The following SLC38A9 variants were observed in gnomAD, a reference collection of about 807,000 sequenced individuals.
SLC38A9 encodes solute carrier family 38 member 9, also known as neutral amino acid transporter 9.
In SLC38A9, 48 loss-of-function variants were observed where a neutral mutation model predicts 62.3. The observed-to-expected ratio is 0.77, with a 90% confidence interval of 0.61 to 0.98. The LOEUF is 0.98. Among genes scored for constraint, SLC38A9 ranks in the 50% least tolerant of loss-of-function variants. SLC38A9 has a pLI of 0.00. For synonymous variants in SLC38A9, 204 were observed against 227.7 expected, an observed-to-expected ratio of 0.90 and a Z score of 0.94; for missense variants, 541 against 679.8, an observed-to-expected ratio of 0.80 and a Z score of 2.27.
chr5:55,640,068 C>G (rs1345184774), intron 12 of SLC38A9, among the ~76,000 whole-genome samples: 3 of 149,868 alleles, frequency 2.0e-5, no homozygotes, highest in Non-Finnish European at 3.0e-5. Context: ...TCACTGCAAC[C>G]TCTGCCTCCT....
chr5:55,636,154 G>C (rs544795282), intron 12 of SLC38A9, among the ~76,000 whole-genome samples: 1 of 152,124 alleles, frequency 6.6e-6, no homozygotes, highest in African/African-American at 2.4e-5. Flanking sequence ...ATTTAATAAA[G>C]AAAGAAAGCT....
intron 8 of SLC38A9, among the ~76,000 whole-genome samples, chr5:55,662,996 G>C (rs1010442284): frequency 4.0e-5 from 6 of 151,514 alleles, no homozygotes; most frequent in African/African-American, 1.5e-4. Context: ...CCAGGTTCAA[G>C]AGATTCTCGT....
intron 2 of SLC38A9, among the ~76,000 whole-genome samples, chr5:55,703,854 A>T (rs1336243997): frequency 1.3e-5 from 2 of 152,226 alleles, no homozygotes; most frequent in African/African-American, 4.8e-5. Flanking sequence ...AAATGAAAAC[A>T]TTCTATATAA....
At chr5:55,657,789 G>T (rs1748711229) in intron 8 of SLC38A9, among the ~76,000 whole-genome samples, 1 of 152,152 alleles carries the variant, frequency 6.6e-6, no homozygotes, top group African/African-American at 2.4e-5. Flanking sequence ...GCTGGGTTAG[G>T]TTTTAAGGTC....
At chr5:55,668,157 G>A (rs184883751) in intron 7 of SLC38A9, among the ~76,000 whole-genome samples, 2 of 149,986 alleles carry the variant, frequency 1.3e-5, no homozygotes, top group African/African-American at 4.9e-5. Flanking sequence ...GGGTGACAGT[G>A]AGATCCTGTC....
intron 2 of SLC38A9, among the ~76,000 whole-genome samples, chr5:55,707,895 A>G (rs7718528): frequency 7.9e-4 from 120 of 152,306 alleles, no homozygotes; most frequent in African/African-American, 2.8e-3. Flanking sequence ...AACTAGCTAG[A>G]TCCCTTTTGT....
Position 55,669,115 on chromosome 5 carries a change from T to C in SLC38A9, c.526+113A>G, listed in dbSNP as rs1398841017. Reference sequence around the variant, plus strand: ...GCGATGAATTACAGAAGTAAATCTTTAGGTACAAAGTAGACAGCTGACACA... The same window carrying C: ...GCGATGAATTACAGAAGTAAATCTTCAGGTACAAAGTAGACAGCTGACACA... On this transcript the variant is annotated intron_variant, in intron 7 of 15. Transcript: ENST00000396865. The C allele has an allele frequency of 6.7e-6, 4 of 599,964 alleles. No homozygotes were observed. The East Asian group carries it at 9.1e-5, about 14-fold the overall frequency. The allele number at this position is 599,964 out of a possible 1,614,324, so 37.2% of individuals were successfully genotyped here.
chr5:55,652,842 T>C (rs1747771038), intron 9 of SLC38A9, 119 bp from the exon 10 acceptor site: 1 of 696,078 alleles, frequency 1.4e-6, no homozygotes, highest in African/African-American at 1.8e-5. Context: ...CAACTCTTCC[T>C]AGGAGCCTAA....
chr5:55,678,063 G>A (rs1378224922), intron 3 of SLC38A9, among the ~76,000 whole-genome samples: 1 of 151,228 alleles, frequency 6.6e-6, no homozygotes, highest in East Asian at 1.9e-4. Flanking sequence ...GTAGAAGAGA[G>A]GAGAGCTTAG....
chr5:55,679,318 T>C (rs1752673114), intron 3 of SLC38A9, among the ~76,000 whole-genome samples: 1 of 152,092 alleles, frequency 6.6e-6, no homozygotes, highest in Non-Finnish European at 1.5e-5. Context: ...AGATTATGAG[T>C]TCTCTGTTTT....
chr5:55,684,476 A>T (rs2897882), intron 3 of SLC38A9, among the ~76,000 whole-genome samples: 5 of 151,850 alleles, frequency 3.3e-5, no homozygotes, highest in African/African-American at 1.2e-4. Context: ...GTTGGGCTTC[A>T]GTTCCTGAAA....
chr5:55,639,084 G>A lies in SLC38A9; in HGVS notation c.1168-3427C>T, dbSNP rs139444438. Reference sequence around the variant, plus strand: ...TGTAATCCCAACACTTTGGGAGGCCGAGGCGGGCGGATCACCCCATTTCTA... The same window carrying A: ...TGTAATCCCAACACTTTGGGAGGCCAAGGCGGGCGGATCACCCCATTTCTA... On this transcript the variant is annotated intron_variant, in intron 12 of 15. Coordinates refer to ENST00000396865, the MANE Select transcript of SLC38A9 (RefSeq NM_173514.4). Among the ~76,000 whole-genome samples the A allele has an allele frequency of 1.9e-4, 29 of 152,070 alleles. 1 individual carries two copies. In the East Asian group the frequency reaches 4.1e-3, roughly 21 times the overall value.
At chr5:55,690,855 T>C (rs1457894609) in intron 3 of SLC38A9, among the ~76,000 whole-genome samples, 1 of 152,254 alleles carries the variant, frequency 6.6e-6, no homozygotes, top group Non-Finnish European at 1.5e-5. Context: ...CTTGTTAGAC[T>C]GCGACCTTAT....
chr5:55,627,830 GGAAAAGCCT>G, intron 15 of SLC38A9, 52 bp downstream of exon 15: 1 of 1,025,282 alleles, frequency 9.8e-7, no homozygotes, highest in Non-Finnish European at 1.5e-6. Context: ...AACAACAACA[GGAAAAGCCT>G]GAAAATAAAG....
chr5:55,702,891 C>T (rs948141767), intron 2 of SLC38A9: 2 of 151,904 alleles, frequency 1.3e-5, no homozygotes, highest in Non-Finnish European at 2.9e-5. Context: ...TTAGCTTAGT[C>T]CTACTAAAGA....
chr5:55,673,904 A>T (rs1751723044), intron 3 of SLC38A9, among the ~76,000 whole-genome samples: 1 of 151,872 alleles, frequency 6.6e-6, no homozygotes, highest in Non-Finnish European at 1.5e-5. Context: ...TAGAGACAGG[A>T]TTTCACCATG....
intron 2 of SLC38A9, among the ~76,000 whole-genome samples, chr5:55,700,365 A>AAAG (rs1756490729): frequency 6.6e-6 from 1 of 151,678 alleles, no homozygotes; most frequent in Non-Finnish European, 1.5e-5. Context: ...CAAGCCAAAA[A>AAAG]AAAAAAGAAC....
At chr5:55,697,005 G>A (rs1755941840) in intron 3 of SLC38A9, 1 of 156,352 alleles carries the variant, frequency 6.4e-6, no homozygotes, top group Admixed American at 6.5e-5. Flanking sequence ...AGATGTGATG[G>A]TGGCCGGGAA....
At chr5:55,658,893 T>A (rs140211279) in intron 8 of SLC38A9, among the ~76,000 whole-genome samples, 199 of 152,282 alleles carry the variant, frequency 1.3e-3, no homozygotes, top group Non-Finnish European at 2.3e-3. Context: ...GAAAAATATG[T>A]CATGACTAAT....
Sources: allele counts gnomAD v4.1 joint callset (sites outside exome capture counted in the v4.1 genomes callset), GRCh38; gene constraint gnomAD v4.1.1; transcripts MANE v1.5; gene names NCBI Gene and HGNC (gene_info 2026-07-23, HGNC 2026-07-21).